The following CTNNA2 variants were observed in gnomAD, a reference collection of about 807,000 sequenced individuals.
CTNNA2 encodes catenin alpha 2, also known as catenin alpha-2.
A neutral mutation model predicts 101.0 loss-of-function variants in CTNNA2; 42 were observed. That is an observed-to-expected ratio of 0.42 (90% CI 0.32 to 0.54). The LOEUF is 0.54. Ranked by LOEUF, CTNNA2 falls within the 20% of genes least tolerant of loss-of-function variation. CTNNA2 has a pLI of 0.14. For missense variants in CTNNA2, 871 were observed against 1,223.1 expected, an observed-to-expected ratio of 0.71 and a Z score of 4.29; for synonymous variants, 450 against 456.4, an observed-to-expected ratio of 0.99 and a Z score of 0.18.
intron 15 of CTNNA2, among the ~76,000 whole-genome samples, chr2:80,596,276 G>GTTTTT (rs1257706829): frequency 3.8e-5 from 2 of 52,268 alleles, no homozygotes; most frequent in African/African-American, 6.1e-5. Flanking sequence ...CTGAGACAAG[G>GTTTTT]TTGTTTTTTT....
At chr2:79,943,455 A>G (rs1191650546) in intron 7 of CTNNA2, among the ~76,000 whole-genome samples, 1 of 152,192 alleles carries the variant, frequency 6.6e-6, no homozygotes, top group African/African-American at 2.4e-5. Flanking sequence ...GAGTATCATC[A>G]GTATCTAGGT....
chr2:79,261,602 C>T (rs1674922862), intron 2 of CTNNA2, among the ~76,000 whole-genome samples: 1 of 152,236 alleles, frequency 6.6e-6, no homozygotes, highest in Admixed American at 6.5e-5. Context: ...TGTGTCCACA[C>T]ATGGCCTTGT....
chr2:79,580,463 C>T lies in CTNNA2; in HGVS notation c.-6+67256C>T, dbSNP rs572468548. On this transcript the variant is annotated intron_variant, in intron 1 of 18. Coordinates refer to ENST00000402739, the MANE Select transcript of CTNNA2 (RefSeq NM_001282597.3). ...AAGGAACTGAATTCAGCCAACAACTCCAATGAGCAAGGAAATGGATTTTTC... is the reference window on the plus strand; with the variant it reads ...AAGGAACTGAATTCAGCCAACAACTTCAATGAGCAAGGAAATGGATTTTTC... Among the ~76,000 whole-genome samples, 10 of 152,198 alleles carry T rather than the reference C, an allele frequency of 6.6e-5. No individual in the cohort carries two copies. In the South Asian group the frequency reaches 1.9e-3, roughly 28 times the overall value.
chr2:79,376,202 C>G (rs1207770452), intron 4 of CTNNA2, among the ~76,000 whole-genome samples: 1 of 152,012 alleles, frequency 6.6e-6, no homozygotes, highest in Non-Finnish European at 1.5e-5. Context: ...TAAGGTGCAG[C>G]AGACACCCAG....
At chr2:79,488,988 T>C (rs974587867) in intron 4 of CTNNA2, among the ~76,000 whole-genome samples, 9 of 152,202 alleles carry the variant, frequency 5.9e-5, no homozygotes, top group African/African-American at 2.2e-4. Context: ...TTCTCTACTT[T>C]ATCTCTATAG....
chr2:79,593,791 A>T (rs958323264), intron 1 of CTNNA2, among the ~76,000 whole-genome samples: 3 of 151,952 alleles, frequency 2.0e-5, no homozygotes, highest in African/African-American at 7.3e-5. Context: ...AACACTTCCT[A>T]AAAAACGATC....
At position 80,067,598 on chromosome 2, in the gene CTNNA2, T is replaced by C. The variant is rs554196690; in HGVS notation, c.1056+157801T>C. ...CCAACACAATTCCTGATGGATTTCTTCCTCACTGCTATCTTTAACTACACA... is the reference window on the plus strand; with the variant it reads ...CCAACACAATTCCTGATGGATTTCTCCCTCACTGCTATCTTTAACTACACA... On this transcript the variant is annotated intron_variant, in intron 7 of 18. Coordinates refer to ENST00000402739, the MANE Select transcript of CTNNA2 (RefSeq NM_001282597.3). Among the ~76,000 whole-genome samples the C allele has an allele frequency of 7.2e-5, 11 of 152,316 alleles. No individual in the cohort carries two copies. In the South Asian group the frequency reaches 2.3e-3, roughly 32 times the overall value.
intron 7 of CTNNA2, among the ~76,000 whole-genome samples, chr2:80,117,455 A>T (rs62141432): frequency 6.9e-5 from 10 of 145,878 alleles, no homozygotes; most frequent in Admixed American, 1.4e-4. Context: ...TTCCTGTGTG[A>T]GTGTGTGTGT....
At chr2:80,048,047 G>T (rs1696641597) in intron 7 of CTNNA2, among the ~76,000 whole-genome samples, 1 of 152,134 alleles carries the variant, frequency 6.6e-6, no homozygotes, top group South Asian at 2.1e-4. Context: ...CAAAGAGGAG[G>T]CCGCTATGGG....
rs151010670 is a variant in CTNNA2, at chr2:79,337,366, C to T, written c.-318+24570C>T. Among the ~76,000 whole-genome samples, 26 of 152,288 alleles carry T rather than the reference C, an allele frequency of 1.7e-4. No homozygotes were observed. In the East Asian group the frequency reaches 4.4e-3, roughly 26 times the overall value. ...AACAATTCAACAAGCAAAAACCAAT[C>T]CCTTTTAAAAATATGGGCCCAGGAC... On this transcript the variant is annotated intron_variant, in intron 3 of 21. Coordinates refer to the CTNNA2 transcript ENST00000466387.
intron 9 of CTNNA2, among the ~76,000 whole-genome samples, chr2:80,435,889 G>T (rs1382592329): frequency 6.6e-6 from 1 of 152,140 alleles, no homozygotes; most frequent in East Asian, 1.9e-4. Context: ...TCTTTCCATA[G>T]TGCCCTGACA....
chr2:79,975,532 G>C (rs1391683064), intron 7 of CTNNA2, among the ~76,000 whole-genome samples: 1 of 152,060 alleles, frequency 6.6e-6, no homozygotes, highest in South Asian at 2.1e-4. Context: ...AGTCCCATGA[G>C]GCTGTCCCTC....
intron 2 of CTNNA2, among the ~76,000 whole-genome samples, chr2:79,218,507 G>A (rs1674299267): frequency 6.6e-6 from 1 of 152,038 alleles, no homozygotes; most frequent in Non-Finnish European, 1.5e-5. Context: ...AAGTGTCAGT[G>A]AAAAAAGAAT....
At chr2:80,465,064 G>A (rs1684743422) in intron 9 of CTNNA2, among the ~76,000 whole-genome samples, 1 of 152,154 alleles carries the variant, frequency 6.6e-6, no homozygotes, top group South Asian at 2.1e-4. Context: ...ATTGGGATGA[G>A]AGCTACTCAA....
chr2:79,304,558 T>C (rs186549409), intron 2 of CTNNA2, among the ~76,000 whole-genome samples: 1,524 of 152,222 alleles, frequency 0.01, 14 homozygotes, highest in Non-Finnish European at 0.017. Context: ...TATACCTTGA[T>C]TGCAGACTCA....
chr2:80,174,795 C>G lies in CTNNA2; in HGVS notation c.1057-218416C>G, dbSNP rs116755109. 3.5e-3 allele frequency among the ~76,000 whole-genome samples: 533 copies of G among 152,206 alleles called. 2 individuals carry two copies. Among genetic ancestry groups the G allele is most frequent in the African/African-American group, 0.012 (501 of 41,526 alleles). On this transcript the variant is annotated intron_variant, in intron 7 of 18. Coordinates refer to ENST00000402739, the MANE Select transcript of CTNNA2 (RefSeq NM_001282597.3). ...ATGTCAGAGTTCCTGGATCTTATCC[C>G]CTAAATACCTCTTGATTTTGTTCAC... is the stretch of plus-strand genomic sequence containing the variant.
chr2:80,592,155 C>T (rs1037574335), intron 15 of CTNNA2, among the ~76,000 whole-genome samples: 6 of 152,086 alleles, frequency 3.9e-5, no homozygotes, highest in African/African-American at 1.4e-4. Flanking sequence ...GAAAAAAAAA[C>T]TTTCAGAGTA....
At position 80,581,798 on chromosome 2, in the gene CTNNA2, C is replaced by T. The variant is rs769997695; in HGVS notation, c.1986C>T (p.Leu662=). 3.7e-6 allele frequency: 6 copies of T among 1,610,416 alleles called. No homozygotes were observed. In the South Asian group the frequency reaches 4.4e-5, roughly 12 times the overall value. ...GTGTTCAGACTGAGGATGACCAGCTCATTGCAGGGCAGAGCGCACGGGTGA... is the reference window on the plus strand; with the variant it reads ...GTGTTCAGACTGAGGATGACCAGCTTATTGCAGGGCAGAGCGCACGGGTGA... ...RTSVQTEDDQ[L]IAGQSARAIM... is the part of the protein sequence containing the mutation. Residue 662 remains leucine, a synonymous_variant, in exon 14 of 19, where the codon CTC becomes CTT. Coordinates refer to ENST00000402739, the MANE Select transcript of CTNNA2 (RefSeq NM_001282597.3).
intron 3 of CTNNA2, among the ~76,000 whole-genome samples, chr2:79,370,541 A>G (rs1323239846): frequency 6.6e-6 from 1 of 152,226 alleles, no homozygotes; most frequent in Non-Finnish European, 1.5e-5. Flanking sequence ...TGGGCTACGA[A>G]GAAAAGGAAA....
Sources: gnomAD v4.1 joint callset for allele counts (sites outside exome capture counted in the v4.1 genomes callset) on GRCh38, gnomAD v4.1.1 for gene constraint, MANE v1.5 for transcripts, NCBI Gene and HGNC (gene_info 2026-07-23, HGNC 2026-07-21) for gene names.